Variants in STEAP1B observed in about 807,000 individuals in gnomAD.
STEAP1B encodes the protein STEAP family protein MGC87042.
In STEAP1B, 13 loss-of-function variants were observed where a neutral mutation model predicts 27.9. The ratio of observed to expected loss-of-function variants is 0.47; its 90% confidence interval spans 0.30 to 0.74. STEAP1B has a LOEUF of 0.74. Among genes scored for constraint, STEAP1B ranks in the 30% least tolerant of loss-of-function variants. STEAP1B has a pLI of 0.06. For synonymous variants in STEAP1B, 86 were observed against 107.1 expected, an observed-to-expected ratio of 0.80 and a Z score of 1.22; for missense variants, 250 against 298.7, an observed-to-expected ratio of 0.84 and a Z score of 1.20.
chr7:22,462,940 A>G (rs1436925334), intron 4 of STEAP1B, among the ~76,000 whole-genome samples: 10 of 152,180 alleles, frequency 6.6e-5, no homozygotes, highest in Admixed American at 1.3e-4. Context: ...GGTGTGAGAT[A>G]GTATCTCATT....
At chr7:22,456,972 A>ATATATATATATATTTTTTTTTTTTTTTTT in intron 4 of STEAP1B, among the ~76,000 whole-genome samples, 5 of 57,030 alleles carry the variant, frequency 8.8e-5, no homozygotes, top group African/African-American at 1.4e-4. Context: ...ATATATATAT[A>ATATATATATATATTTTTTTTTTTTTTTTT]TTTTTTTTTT....
At chr7:22,488,661 C>T (rs1299620005) in intron 4 of STEAP1B, among the ~76,000 whole-genome samples, 1 of 152,228 alleles carries the variant, frequency 6.6e-6, no homozygotes, top group Non-Finnish European at 1.5e-5. Flanking sequence ...CATGTTTTCA[C>T]AGGAGCCACA....
chr7:22,431,774 C>T (rs1391552215), intron 4 of STEAP1B, among the ~76,000 whole-genome samples: 2 of 152,190 alleles, frequency 1.3e-5, no homozygotes, highest in Non-Finnish European at 2.9e-5. Context: ...CCTTGCCTTG[C>T]TGTGGTTCTG....
chr7:22,433,183 A>G (rs1236652791), intron 4 of STEAP1B, among the ~76,000 whole-genome samples: 1 of 152,204 alleles, frequency 6.6e-6, no homozygotes. Flanking sequence ...CAAACTTCGC[A>G]AGCTCCCATT....
intron 4 of STEAP1B, among the ~76,000 whole-genome samples, chr7:22,423,355 G>A (rs1785067012): frequency 6.6e-6 from 1 of 152,106 alleles, no homozygotes; most frequent in South Asian, 2.1e-4. Context: ...ATCAAAAGGT[G>A]CAAACAACCC....
At chr7:22,471,340 TTCC>T (rs1285970745) in intron 4 of STEAP1B, among the ~76,000 whole-genome samples, 1 of 152,188 alleles carries the variant, frequency 6.6e-6, no homozygotes, top group Non-Finnish European at 1.5e-5. Flanking sequence ...GGTCCCCCGT[TTCC>T]TCATTTTTTT....
At chr7:22,474,644 T>C (rs2128411734) in intron 4 of STEAP1B, among the ~76,000 whole-genome samples, 1 of 152,376 alleles carries the variant, frequency 6.6e-6, no homozygotes, top group East Asian at 1.9e-4. Context: ...GGTGCTGCTG[T>C]TGATGGGCTT....
chr7:22,460,960 G>A (rs78794399), intron 4 of STEAP1B, among the ~76,000 whole-genome samples: 18,869 of 152,196 alleles, frequency 0.12, 1,379 homozygotes, highest in Non-Finnish European at 0.17. Flanking sequence ...ATCACAGAGC[G>A]TATGTTAAAG....
chr7:22,424,741 C>T (rs1427455578), intron 4 of STEAP1B, among the ~76,000 whole-genome samples: 2 of 151,924 alleles, frequency 1.3e-5, no homozygotes, highest in Non-Finnish European at 2.9e-5. Flanking sequence ...AACTACATGT[C>T]TCATTATCAG....
At chr7:22,463,204 A>G (rs532114283) in intron 4 of STEAP1B, among the ~76,000 whole-genome samples, 3 of 151,998 alleles carry the variant, frequency 2.0e-5, no homozygotes, top group South Asian at 2.1e-4. Context: ...TCCCATTCAC[A>G]ATTGCTTCAA....
intron 4 of STEAP1B, among the ~76,000 whole-genome samples, chr7:22,477,116 G>C (rs1478112699): frequency 1.3e-5 from 2 of 152,184 alleles, no homozygotes. Context: ...ATGAGGGCAC[G>C]CATAGCCTTT....
At chr7:22,484,376 A>G (rs1311141454) in intron 4 of STEAP1B, among the ~76,000 whole-genome samples, 2 of 152,220 alleles carry the variant, frequency 1.3e-5, no homozygotes, top group African/African-American at 4.8e-5. Context: ...AAATCTACTC[A>G]GCCTGTGCTC....
intron 4 of STEAP1B, among the ~76,000 whole-genome samples, chr7:22,435,615 TGA>T (rs1367598504): frequency 2.6e-5 from 4 of 152,284 alleles, no homozygotes; most frequent in Admixed American, 2.0e-4. Context: ...AAAATTTGCT[TGA>T]GAGACCAAAT....
intron 4 of STEAP1B, among the ~76,000 whole-genome samples, chr7:22,437,263 C>T (rs1041784927): frequency 6.6e-6 from 1 of 152,186 alleles, no homozygotes; most frequent in African/African-American, 2.4e-5. Flanking sequence ...TCCATTTCCT[C>T]CTCTCCCTCG....
At chr7:22,476,382 G>T (rs913945403) in intron 4 of STEAP1B, among the ~76,000 whole-genome samples, 2 of 152,176 alleles carry the variant, frequency 1.3e-5, no homozygotes, top group East Asian at 1.9e-4. Context: ...GCAGCAGGCT[G>T]GACAAGAACC....
intron 4 of STEAP1B, among the ~76,000 whole-genome samples, chr7:22,447,452 G>C (rs1475767236): frequency 6.6e-6 from 1 of 152,190 alleles, no homozygotes; most frequent in Non-Finnish European, 1.5e-5. Flanking sequence ...GAAGCATGCT[G>C]CCTGTGTTTT....
At chr7:22,473,417 C>G (rs1018467859) in intron 4 of STEAP1B, among the ~76,000 whole-genome samples, 1 of 152,176 alleles carries the variant, frequency 6.6e-6, no homozygotes, top group Non-Finnish European at 1.5e-5. Flanking sequence ...AAAAGTGAGT[C>G]TGAGAAAGCA....
intron 2 of STEAP1B, among the ~76,000 whole-genome samples, chr7:22,494,366 C>G: frequency 6.6e-6 from 1 of 151,646 alleles, no homozygotes; most frequent in Non-Finnish European, 1.5e-5. Flanking sequence ...TCTTGGTAAG[C>G]TGCCACTGTG....
At chr7:22,487,777 C>T (rs1483754495) in intron 4 of STEAP1B, among the ~76,000 whole-genome samples, 1 of 142,408 alleles carries the variant, frequency 7.0e-6, no homozygotes, top group Non-Finnish European at 1.5e-5. Flanking sequence ...TGCACTCCAG[C>T]CTAGGCAACA....
Sources: allele counts gnomAD v4.1 joint callset (sites outside exome capture counted in the v4.1 genomes callset), GRCh38; gene constraint gnomAD v4.1.1; transcripts MANE v1.5; gene names NCBI Gene and HGNC (gene_info 2026-07-23, HGNC 2026-07-21).